The following PCDH15 variants were observed in gnomAD, a reference collection of about 807,000 sequenced individuals.
The protein encoded by PCDH15 is protocadherin-15.
PCDH15 carries 129 observed loss-of-function variants against 178.5 expected under a neutral mutation model. The ratio of observed to expected loss-of-function variants is 0.72; its 90% CI spans 0.63 to 0.84. PCDH15 has a LOEUF of 0.84. PCDH15 is among the 40% of genes least tolerant of loss of function. The pLI, the probability that PCDH15 is intolerant of heterozygous loss-of-function variation, is 0.00. For synonymous variants in PCDH15, 800 were observed against 732.0 expected (o/e 1.09, Z -1.50); for missense variants, 2,230 against 2,099.9 (o/e 1.06, Z -1.21).
intron 2 of PCDH15, among the ~76,000 whole-genome samples, chr10:55,138,992 A>G (rs1838277201): frequency 6.6e-6 from 1 of 152,040 alleles, no homozygotes. Context: ...GGTATGTTAT[A>G]CTTTGTATAT....
At chr10:54,712,474 G>T (rs1591213086) in intron 1 of PCDH15, among the ~76,000 whole-genome samples, 1 of 152,070 alleles carries the variant, frequency 6.6e-6, no homozygotes, top group South Asian at 2.1e-4. Context: ...AAGCAGGATT[G>T]TGATAAGGAG....
chr10:53,961,854 A>G lies in PCDH15; in HGVS notation c.2907T>C (p.Asp969=), dbSNP rs775261640. 1.9e-6 allele frequency: 3 copies of G among 1,610,612 alleles called. No homozygotes were observed. Among genetic ancestry groups the G allele is most frequent in the Non-Finnish European group, 2.5e-6 (3 of 1,177,296 alleles). ...TACTGGCAGGGTAAGGAAACTGTAC[A>G]TCATCTACTCTATACCTCACACGAC... ...PASRVRYRVD[D]VQFPYPASIF... The change falls in exon 22 of 38, where the codon GAT becomes GAC. Residue 969 remains aspartate (D), a synonymous_variant. Transcript: ENST00000644397.
intron 9 of PCDH15, among the ~76,000 whole-genome samples, chr10:54,229,724 A>G (rs924126311): frequency 1.3e-5 from 2 of 152,176 alleles, no homozygotes; most frequent in Admixed American, 1.3e-4. Context: ...GGCCTTCCTG[A>G]ACATGTGGAA....
intron 29 of PCDH15, among the ~76,000 whole-genome samples, chr10:53,834,351 A>G (rs2077181443): frequency 6.6e-6 from 1 of 152,138 alleles, no homozygotes. Context: ...CTGTAGGAGA[A>G]AATTTCCAGA....
chr10:53,821,362 T>C, intron 32 of PCDH15: 7 of 994,750 alleles, frequency 7.0e-6, no homozygotes, highest in Non-Finnish European at 8.4e-6. Flanking sequence ...AGGTACATTA[T>C]ATTTTACTTC....
At chr10:54,050,043 A>G (rs757401009) in intron 18 of PCDH15, among the ~76,000 whole-genome samples, 1 of 152,064 alleles carries the variant, frequency 6.6e-6, no homozygotes, top group Non-Finnish European at 1.5e-5. Context: ...CTGTGCATTT[A>G]CCAGATTTTA....
intron 2 of PCDH15, among the ~76,000 whole-genome samples, chr10:54,661,080 C>A (rs2094483884): frequency 1.3e-5 from 2 of 151,872 alleles, no homozygotes; most frequent in South Asian, 4.1e-4. Context: ...TAAATGTCTT[C>A]CATATTGAAA....
intron 3 of PCDH15, among the ~76,000 whole-genome samples, chr10:54,494,672 C>G (rs2079940463): frequency 6.6e-6 from 1 of 152,084 alleles, no homozygotes; most frequent in Non-Finnish European, 1.5e-5. Context: ...TTGCCTAACC[C>G]TTGTGAGGCT....
intron 2 of PCDH15, among the ~76,000 whole-genome samples, chr10:55,530,519 C>G (rs561441957): frequency 6.6e-6 from 1 of 151,924 alleles, no homozygotes; most frequent in African/African-American, 2.4e-5. Context: ...CTTTGCTCAG[C>G]TATGTTCTTT....
intron 2 of PCDH15, among the ~76,000 whole-genome samples, chr10:55,029,973 G>A (rs1292436083): frequency 6.6e-6 from 1 of 151,974 alleles, no homozygotes; most frequent in Non-Finnish European, 1.5e-5. Context: ...TTTCAAAGAG[G>A]TGAATAAAAG....
At chr10:54,747,285 A>C (rs573621900) in intron 1 of PCDH15, among the ~76,000 whole-genome samples, 1 of 152,224 alleles carries the variant, frequency 6.6e-6, no homozygotes, top group Non-Finnish European at 1.5e-5. Flanking sequence ...CAAAAAGATC[A>C]TTCTAATCAC....
chr10:55,092,449 T>C (rs1842341207), intron 2 of PCDH15, among the ~76,000 whole-genome samples: 1 of 151,886 alleles, frequency 6.6e-6, no homozygotes, highest in African/African-American at 2.4e-5. Flanking sequence ...ATGCCAAAGG[T>C]ATTTAGAAAA....
chr10:54,761,212 A>C lies in PCDH15; in HGVS notation c.-29+39713T>G, dbSNP rs562295136. Among the ~76,000 whole-genome samples the C allele has an allele frequency of 3.3e-5, 5 of 152,146 alleles. No homozygotes were observed. The East Asian group carries it at 5.8e-4, about 18-fold the overall frequency. On this transcript the variant is annotated intron_variant, in intron 1 of 37. Coordinates refer to ENST00000644397, the MANE Select transcript of PCDH15 (RefSeq NM_001384140.1). ...CTTTCTGCCTGAATCTTGCCCCCCCAAAAATAATTTATTTCAGGCACTTCC... is the reference window on the plus strand; with the variant it reads ...CTTTCTGCCTGAATCTTGCCCCCCCCAAAATAATTTATTTCAGGCACTTCC...
intron 1 of PCDH15, among the ~76,000 whole-genome samples, chr10:54,765,712 A>G (rs980193244): frequency 2.6e-5 from 4 of 152,128 alleles, no homozygotes; most frequent in African/African-American, 9.7e-5. Flanking sequence ...ACAGAGAAAG[A>G]TAATCATTTA....
chr10:55,441,668 TA>T (rs1380121141), intron 2 of PCDH15, among the ~76,000 whole-genome samples: 2 of 152,140 alleles, frequency 1.3e-5, no homozygotes, highest in African/African-American at 4.8e-5. Flanking sequence ...AACAACATTT[TA>T]AGAAGCACAG....
chr10:54,069,957 C>A (rs898833597), intron 17 of PCDH15, among the ~76,000 whole-genome samples: 14 of 152,008 alleles, frequency 9.2e-5, no homozygotes, highest in Admixed American at 8.5e-4. Context: ...AACTAATAAA[C>A]CTAATAAATA....
At chr10:54,414,873 T>C (rs917929692) in intron 3 of PCDH15, among the ~76,000 whole-genome samples, 22 of 152,190 alleles carry the variant, frequency 1.4e-4, no homozygotes, top group African/African-American at 4.8e-4. Flanking sequence ...ATTAAAATCA[T>C]ACTAGAGTTC....
At chr10:54,485,179 T>C (rs2079012107) in intron 3 of PCDH15, among the ~76,000 whole-genome samples, 1 of 151,832 alleles carries the variant, frequency 6.6e-6, no homozygotes, top group South Asian at 2.1e-4. Context: ...AAGTAATCCC[T>C]GCTAATAGTG....
intron 1 of PCDH15, among the ~76,000 whole-genome samples, chr10:54,703,066 G>A (rs2095327725): frequency 6.6e-6 from 1 of 152,064 alleles, no homozygotes; most frequent in South Asian, 2.1e-4. Context: ...TGCAAGGTTG[G>A]TTCAACATAT....
Sources: gnomAD v4.1 joint callset for allele counts (sites outside exome capture counted in the v4.1 genomes callset) on GRCh38, gnomAD v4.1.1 for gene constraint, MANE v1.5 for transcripts, NCBI Gene and HGNC (gene_info 2026-07-23, HGNC 2026-07-21) for gene names.